Variants in OPRM1 observed in about 807,000 individuals in gnomAD.
OPRM1 encodes the protein mu-type opioid receptor.
Under a neutral mutation model 31.8 loss-of-function variants are expected in OPRM1, and 27 were observed. The ratio of observed to expected loss-of-function variants is 0.85; its 90% CI spans 0.63 to 1.17. The LOEUF is 1.17. OPRM1 is among the 50% of genes most tolerant of loss of function. OPRM1 has a pLI of 0.00. For synonymous variants in OPRM1, 196 were observed against 189.9 expected (o/e 1.03, Z -0.26); for missense variants, 536 against 511.1 (o/e 1.05, Z -0.47).
intron 3 of OPRM1, among the ~76,000 whole-genome samples, chr6:154,174,498 A>G (rs1229198742): frequency 6.6e-6 from 1 of 150,916 alleles, no homozygotes; most frequent in Non-Finnish European, 1.5e-5. Context: ...AATGGAAAGC[A>G]AAAAAAAAGC....
intron 3 of OPRM1, among the ~76,000 whole-genome samples, chr6:154,142,617 G>A (rs1438407297): frequency 2.0e-5 from 3 of 152,174 alleles, no homozygotes; most frequent in African/African-American, 7.2e-5. Context: ...CGGGGCACTT[G>A]TCCTTCAAGT....
At chr6:154,096,859 A>C (rs2128494346) in intron 3 of OPRM1, among the ~76,000 whole-genome samples, 1 of 152,322 alleles carries the variant, frequency 6.6e-6, no homozygotes, top group East Asian at 1.9e-4. Flanking sequence ...GAGCTCCAGA[A>C]AATGTAAGTT....
At chr6:154,069,953 G>T (rs1786296520) in intron 1 of OPRM1, among the ~76,000 whole-genome samples, 2 of 152,142 alleles carry the variant, frequency 1.3e-5, no homozygotes, top group Admixed American at 1.3e-4. Flanking sequence ...GGATAAGAAG[G>T]AAAAACAAAT....
intron 3 of OPRM1, among the ~76,000 whole-genome samples, chr6:154,212,134 T>C (rs553430449): frequency 1.1e-4 from 17 of 152,336 alleles, no homozygotes; most frequent in African/African-American, 3.8e-4. Flanking sequence ...CCAATGATCA[T>C]TGTATGACCC....
chr6:154,118,208 A>G (rs1297126792), intron 3 of OPRM1, among the ~76,000 whole-genome samples: 1 of 152,218 alleles, frequency 6.6e-6, no homozygotes, highest in African/African-American at 2.4e-5. Context: ...CAAATCAGTT[A>G]CAGGAAAAAA....
chr6:154,133,139 A>C (rs1797972269), downstream of OPRM1, among the ~76,000 whole-genome samples: 1 of 151,526 alleles, frequency 6.6e-6, no homozygotes, highest in Non-Finnish European at 1.5e-5. Context: ...AAAAAAAGAA[A>C]GAAAAAAACT....
In OPRM1 at chr6:154,013,877, A is replaced by G. The variant is rs60803867; in HGVS notation, c.-1+2859A>G. Among the ~76,000 whole-genome samples the G allele has an allele frequency of 4.2e-3, 636 of 152,286 alleles. 11 individuals carry two copies. The highest frequency in any genetic ancestry group is 0.015 in the African/African-American group (617 of 41,562). On this transcript the variant is annotated intron_variant, in intron 1 of 5. Coordinates refer to the OPRM1 transcript ENST00000434900. ...CAAGGCTTCTTGAGACCTAGACTTG[A>G]ACTAGCACACTGTCACTTCCAGCTC...
At chr6:154,195,103 C>T (rs146204496) in intron 3 of OPRM1, among the ~76,000 whole-genome samples, 1 of 151,328 alleles carries the variant, frequency 6.6e-6, no homozygotes, top group Non-Finnish European at 1.5e-5. Flanking sequence ...CTCTTATTCT[C>T]TTCTTCCCTG....
chr6:154,089,784 G>C lies in OPRM1; in HGVS notation c.291-42G>C, dbSNP rs201598368. 12 of 1,365,894 alleles carry C rather than the reference G, an allele frequency of 8.8e-6. No individual in the cohort carries two copies. The African/African-American group carries it at 1.7e-4, about 20-fold the overall frequency. The allele number at this position is 1,365,894 out of a possible 1,614,324, so 84.6% of individuals were successfully genotyped here. A position where few individuals can be genotyped will look rare whatever the true frequency, so the allele number is the denominator to read the frequency against. ...GGAAGCTTACCTATATTTTACACTA[G>C]TGTCTTTTACTGATTCTCACTCTTC... On this transcript the variant is annotated intron_variant, in intron 1 of 3. Transcript: ENST00000330432.
At chr6:154,167,903 A>G (rs1799567709) in intron 3 of OPRM1, 5 of 1,558,258 alleles carry the variant, frequency 3.2e-6, no homozygotes, top group Non-Finnish European at 4.4e-6. Context: ...TTCATCCACA[A>G]TTTGAAATTT....
chr6:154,081,923 C>T (rs1239547483), intron 1 of OPRM1, among the ~76,000 whole-genome samples: 3 of 152,160 alleles, frequency 2.0e-5, no homozygotes, highest in Non-Finnish European at 2.9e-5. Flanking sequence ...AGGCCTCTCC[C>T]GGTCTTCTCT....
rs185467696 is a variant in OPRM1, at chr6:154,123,185, A to G, written c.*4464A>G. ...AAAAGCTGTCTGTACAACTGCCTCT[A>G]TCTATGCAGCTATGGGGTGTCTCTA... On this transcript the variant is annotated 3_prime_UTR_variant, in exon 4 of 4. Transcript: ENST00000330432. Among the ~76,000 whole-genome samples the G allele has an allele frequency of 1.3e-5, 2 of 152,296 alleles. No individual in the cohort carries two copies. Among genetic ancestry groups the G allele is most frequent in the Non-Finnish European group, 2.9e-5 (2 of 68,004 alleles).
chr6:154,087,177 T>C, intron 1 of OPRM1: 1 of 985,444 alleles, frequency 1.0e-6, no homozygotes, highest in Admixed American at 6.1e-5. Context: ...CTGGCAGTAA[T>C]GCAGCTTCTG....
At chr6:154,215,330 C>A (rs944494213) in intron 3 of OPRM1, among the ~76,000 whole-genome samples, 2 of 152,068 alleles carry the variant, frequency 1.3e-5, no homozygotes, top group Non-Finnish European at 2.9e-5. Flanking sequence ...AATTCAATGC[C>A]GGGAGCGGTG....
chr6:154,126,751 G>T lies in OPRM1; in HGVS notation c.*8030G>T, dbSNP rs747128833. Among the ~76,000 whole-genome samples, 1 of 152,082 alleles carries T rather than the reference G, an allele frequency of 6.6e-6. No individual in the cohort carries two copies. Among genetic ancestry groups the T allele is most frequent in the South Asian group, 2.1e-4 (1 of 4,818 alleles). Reference sequence around the variant, plus strand: ...TACAGCCTTCAGTAATGCCTCAAAGGTTCTCCAAGCAGAGGTAAACATGTG... The same window carrying T: ...TACAGCCTTCAGTAATGCCTCAAAGTTTCTCCAAGCAGAGGTAAACATGTG... On this transcript the variant is annotated 3_prime_UTR_variant, in exon 4 of 4. Coordinates refer to ENST00000330432, the MANE Select transcript of OPRM1 (RefSeq NM_000914.5).
At position 154,016,406 on chromosome 6, in the gene OPRM1, A is replaced by T. The variant is rs192393086; in HGVS notation, c.-1+5388A>T. Among the ~76,000 whole-genome samples, 1,177 of 152,308 alleles carry T rather than the reference A, an allele frequency of 7.7e-3. 21 individuals are homozygous for T. Among genetic ancestry groups the T allele is most frequent in the African/African-American group, 0.027 (1,123 of 41,576 alleles). On this transcript the variant is annotated intron_variant, in intron 1 of 5. Coordinates refer to the OPRM1 transcript ENST00000434900. ...AGATAAAATTGTGTAGTGTGACAACAATTACCTAAGGATAGAAGAGAATAT... is the reference window on the plus strand; with the variant it reads ...AGATAAAATTGTGTAGTGTGACAACTATTACCTAAGGATAGAAGAGAATAT...
At chr6:154,111,830 A>T (rs372522030) in intron 3 of OPRM1, among the ~76,000 whole-genome samples, 5 of 152,100 alleles carry the variant, frequency 3.3e-5, no homozygotes, top group African/African-American at 9.7e-5. Flanking sequence ...CAGTGGTGCC[A>T]TCTCGGCTCA....
Position 154,118,809 on chromosome 6 carries a change from C to T in OPRM1, c.*88C>T, listed in dbSNP as rs1159637410. 2 of 1,573,658 alleles carry T rather than the reference C, an allele frequency of 1.3e-6. No individual in the cohort carries two copies. Among genetic ancestry groups the T allele is most frequent in the Non-Finnish European group, 1.7e-6 (2 of 1,164,660 alleles). The stretch of plus-strand genomic sequence containing the variant: ...TTGCTTCAAGAATGTGTAGGAGGCT[C>T]TAATTCTCTAGGAAAGTGCCTGCTT... On this transcript the variant is annotated 3_prime_UTR_variant, in exon 4 of 4. Transcript: ENST00000330432.
rs184539717 is a variant in OPRM1, at chr6:154,128,226, C to A, written c.*9505C>A. ...AAACTGGTGTTTACCTGAAGATCTGCCCAGTGATTTGTGTGTTTTCTTAAT... is the reference window on the plus strand; with the variant it reads ...AAACTGGTGTTTACCTGAAGATCTGACCAGTGATTTGTGTGTTTTCTTAAT... On this transcript the variant is annotated 3_prime_UTR_variant, in exon 4 of 4. Transcript: ENST00000330432. 5.3e-3 allele frequency among the ~76,000 whole-genome samples: 813 copies of A among 152,246 alleles called. 10 individuals are homozygous for A. The highest frequency in any genetic ancestry group is 0.019 in the African/African-American group (785 of 41,530).
Sources: allele counts gnomAD v4.1 joint callset (sites outside exome capture counted in the v4.1 genomes callset), GRCh38; gene constraint gnomAD v4.1.1; transcripts MANE v1.5; gene names NCBI Gene and HGNC (gene_info 2026-07-23, HGNC 2026-07-21).